Variants in OR1L8 observed in about 807,000 individuals in gnomAD.
OR1L8 encodes olfactory receptor 1L8.
For missense variants in OR1L8, 330 were observed against 377.4 expected, an observed-to-expected ratio of 0.87 and a Z score of 1.04; for synonymous variants, 148 against 147.0, an observed-to-expected ratio of 1.01 and a Z score of -0.05.
intron 4 of OR1L8, among the ~76,000 whole-genome samples, chr9:122,570,807 T>A (rs1192481520): frequency 6.7e-6 from 1 of 149,530 alleles, no homozygotes; most frequent in African/African-American, 2.4e-5. Flanking sequence ...GTAATTAAAG[T>A]CAATAATATT....
At chr9:122,579,415 G>A (rs550230005) in intron 1 of OR1L8, among the ~76,000 whole-genome samples, 1 of 152,222 alleles carries the variant, frequency 6.6e-6, no homozygotes, top group Admixed American at 6.5e-5. Flanking sequence ...TTGCTTTGGA[G>A]ATAAAGTCGC....
At chr9:122,547,619 CAG>C in the OR1L8 span, among the ~76,000 whole-genome samples, 1 of 110,762 alleles carries the variant, frequency 9.0e-6, no homozygotes, top group East Asian at 3.0e-4. Flanking sequence ...AGTAGTAGTT[CAG>C]TGTGTGTGTG....
chr9:122,547,692 C>T, the OR1L8 span, among the ~76,000 whole-genome samples: 1 of 150,134 alleles, frequency 6.7e-6, no homozygotes, highest in African/African-American at 2.5e-5. Context: ...TCCAGTCATT[C>T]GTTGATGAAC....
intron 2 of OR1L8, among the ~76,000 whole-genome samples, 162 bp from the exon 3 acceptor site, chr9:122,577,063 A>G (rs185438900): frequency 3.3e-5 from 5 of 152,338 alleles, no homozygotes; most frequent in African/African-American, 1.2e-4. Context: ...AGGCAGGAAA[A>G]GGAGATACTT....
chr9:122,552,754 G>GTGTGTA, the OR1L8 span, among the ~76,000 whole-genome samples: 2 of 66,358 alleles, frequency 3.0e-5, no homozygotes, highest in Non-Finnish European at 7.3e-5. Flanking sequence ...GCTTGAGTGT[G>GTGTGTA]TGTGTGTGTG....
intron 1 of OR1L8, among the ~76,000 whole-genome samples, chr9:122,579,858 G>A (rs2118750108): frequency 6.6e-6 from 1 of 152,316 alleles, no homozygotes; most frequent in African/African-American, 2.4e-5. Flanking sequence ...CATTGGAAAT[G>A]TTATAGAATC....
chr9:122,571,043 A>T (rs144423644), intron 4 of OR1L8, among the ~76,000 whole-genome samples: 1 of 152,338 alleles, frequency 6.6e-6, no homozygotes, highest in Admixed American at 6.5e-5. Context: ...ATATCTTACA[A>T]TCGTGCATTG....
intron 1 of OR1L8, among the ~76,000 whole-genome samples, chr9:122,582,298 C>T (rs1221192298): frequency 6.6e-6 from 1 of 152,032 alleles, no homozygotes; most frequent in Admixed American, 6.5e-5. Flanking sequence ...AAATAATAAA[C>T]TAAGAAGAAT....
At chr9:122,582,092 T>C (rs1829745451) in intron 1 of OR1L8, among the ~76,000 whole-genome samples, 1 of 152,032 alleles carries the variant, frequency 6.6e-6, no homozygotes, top group African/African-American at 2.4e-5. Context: ...GTAAGAATTA[T>C]TTTTTTTAAG....
At chr9:122,555,140 A>T in the OR1L8 span, among the ~76,000 whole-genome samples, 1 of 152,220 alleles carries the variant, frequency 6.6e-6, no homozygotes, top group Non-Finnish European at 1.5e-5. Context: ...GCACAAAAAA[A>T]TGTTGCAGTG....
chr9:122,582,604 C>A (rs13290153), intron 1 of OR1L8, among the ~76,000 whole-genome samples: 12,951 of 152,048 alleles, frequency 0.085, 640 homozygotes, highest in Middle Eastern at 0.13. Flanking sequence ...CCTGTAGTCC[C>A]AGCTATGCAG....
downstream of OR1L8, among the ~76,000 whole-genome samples, chr9:122,565,267 C>T (rs968160190): frequency 2.0e-5 from 3 of 152,140 alleles, no homozygotes; most frequent in Non-Finnish European, 2.9e-5. Context: ...GTGAATAGAC[C>T]TCTATGAATG....
Position 122,567,553 on chromosome 9 carries a change from A to C in OR1L8, c.925T>G (p.Ser309Ala), listed in dbSNP as rs370191218. 7.1e-5 allele frequency: 111 copies of C among 1,570,304 alleles called. 2 individuals carry two copies. The African/African-American group carries it at 1.2e-3, about 16-fold the overall frequency. Residue 309 changes from serine (S) to alanine (A), a missense_variant, in exon 5 of 5, where the codon TCC (serine) becomes GCC (alanine). Ser to Ala is a moderately conservative substitution (Grantham distance 99, BLOSUM62 1). Transcript: ENST00000641027. The stretch of plus-strand genomic sequence containing the variant: ...GTTTTTCAAGAGGGTGCTTCCTAGG[A>C]TCTCTTGCTCATAAGCTTCCTCAGG... ...QGLRKLMSKR[S>A]
Position 122,568,437 on chromosome 9 carries a change from A to T in OR1L8, c.41T>A (p.Ile14Asn). 6.2e-7 allele frequency: 1 copy of T among 1,610,606 alleles called. No individual in the cohort carries two copies. Among genetic ancestry groups the T allele is most frequent in the East Asian group, 2.2e-5 (1 of 44,838 alleles). ...INHTSSVSEF[I>N]LLGLSSRPED... ...AGGCCGGGAGGAGAGTCCCAGGAGG[A>T]TAAACTCGGAGACACTGCTGGTGTG... The change falls in exon 5 of 5, where the codon ATC becomes AAC. Residue 14 changes from isoleucine to asparagine, a missense_variant. Coordinates refer to ENST00000641027, the MANE Select transcript of OR1L8 (RefSeq NM_001004454.2).
At chr9:122,554,175 A>T in the OR1L8 span, 1 of 1,589,480 alleles carries the variant, frequency 6.3e-7, no homozygotes, top group Non-Finnish European at 8.6e-7. Context: ...AGACATCTAG[A>T]CGGTGATGTC....
the OR1L8 span, among the ~76,000 whole-genome samples, chr9:122,548,602 T>TA: frequency 6.6e-6 from 1 of 151,918 alleles, no homozygotes; most frequent in Non-Finnish European, 1.5e-5. Context: ...TATATATATA[T>TA]TTTTATTATA....
At position 122,568,461 on chromosome 9, in the gene OR1L8, T is replaced by A; in HGVS notation, c.17A>T (p.His6Leu). The A allele has an allele frequency of 6.3e-7, 1 of 1,577,708 alleles. No homozygotes were observed. The highest frequency in any genetic ancestry group is 1.9e-5 in the Admixed American group (1 of 53,980). The change falls in exon 5 of 5, where the codon CAC (histidine) becomes CTC (leucine). Residue 6 changes from histidine to leucine, a missense_variant. Physicochemically the swap from His to Leu is moderately conservative, Grantham distance 99. Transcript: ENST00000641027. ...GATAAACTCGGAGACACTGCTGGTG[T>A]GGTTGATTCTTTCCATTGACTTGGG... MERIN[H>L]TSSVSEFILL...
chr9:122,577,327 C>G (rs1829674801), intron 2 of OR1L8, among the ~76,000 whole-genome samples: 1 of 152,150 alleles, frequency 6.6e-6, no homozygotes, highest in Non-Finnish European at 1.5e-5. Flanking sequence ...TGTAGGCAGA[C>G]TTCAAATTTA....
At chr9:122,566,583 G>A (rs943779575), downstream of OR1L8, among the ~76,000 whole-genome samples, 4 of 152,132 alleles carry the variant, frequency 2.6e-5, no homozygotes, top group South Asian at 8.3e-4. Context: ...TATGGAATTA[G>A]TCATAGCATC....
Sources: allele counts gnomAD v4.1 joint callset (sites outside exome capture counted in the v4.1 genomes callset), GRCh38; gene constraint gnomAD v4.1.1; transcripts MANE v1.5; gene names NCBI Gene and HGNC (gene_info 2026-07-23, HGNC 2026-07-21).